Variants in WDR33 observed in about 807,000 individuals in gnomAD.
WDR33 encodes the protein pre-mRNA 3' end processing protein WDR33.
A neutral mutation model predicts 164.9 loss-of-function variants in WDR33; 47 were observed. That is an observed-to-expected ratio of 0.29 (90% CI 0.23 to 0.36). The LOEUF is 0.36. Among genes scored for constraint, WDR33 ranks in the 10% least tolerant of loss-of-function variants. The pLI is 1.00. For missense variants in WDR33, 1,137 were observed against 1,754.1 expected (o/e 0.65, Z 6.28); for synonymous variants, 505 against 589.0 (o/e 0.86, Z 2.06).
chr2:127,737,577 G>A (rs1016026909), intron 7 of WDR33: 108 of 989,614 alleles, frequency 1.1e-4, no homozygotes, highest in Non-Finnish European at 1.1e-4. Flanking sequence ...CTATTAGAAA[G>A]GCCAGTACCT....
chr2:127,775,144 T>C (rs1181379828), intron 1 of WDR33, among the ~76,000 whole-genome samples: 5 of 152,172 alleles, frequency 3.3e-5, no homozygotes, highest in African/African-American at 7.2e-5. Flanking sequence ...TTCTCTGTTA[T>C]GCGACTTTTA....
At chr2:127,711,780 A>ATATATTTTTTTTTT in intron 18 of WDR33, among the ~76,000 whole-genome samples, 3 of 88,300 alleles carry the variant, frequency 3.4e-5, no homozygotes, top group East Asian at 5.7e-4. Context: ...ATATATATAT[A>ATATATTTTTTTTTT]TTTTTTTTTT....
intron 7 of WDR33, among the ~76,000 whole-genome samples, chr2:127,751,302 G>A (rs887091450): frequency 3.3e-5 from 5 of 151,156 alleles, no homozygotes; most frequent in East Asian, 3.9e-4. Context: ...TGGAGGCTGC[G>A]GTAAGCCAAG....
chr2:127,784,899 A>C (rs1174294359), intron 1 of WDR33, among the ~76,000 whole-genome samples: 1 of 152,292 alleles, frequency 6.6e-6, no homozygotes, highest in East Asian at 1.9e-4. Context: ...TTCTCATCTT[A>C]AAATGTATTA....
chr2:127,791,551 T>C lies in WDR33; in HGVS notation c.-24+19461A>G, dbSNP rs373180441. Among the ~76,000 whole-genome samples, 7 of 152,166 alleles carry C rather than the reference T, an allele frequency of 4.6e-5. No homozygotes were observed. The East Asian group carries it at 1.2e-3, about 25-fold the overall frequency. ...GGTGTTTCTGCTATTAAAGGTACTA[T>C]TCCCATCATGAGGGCCCCAACCTCA... is the stretch of plus-strand genomic sequence containing the variant. On this transcript the variant is annotated intron_variant, in intron 1 of 21. Transcript: ENST00000322313.
intron 1 of WDR33, among the ~76,000 whole-genome samples, chr2:127,782,370 T>TG (rs1425580859): frequency 1.3e-5 from 2 of 152,132 alleles, no homozygotes; most frequent in Non-Finnish European, 2.9e-5. Context: ...ATTGCACCAC[T>TG]GCACTCCAGC....
chr2:127,702,398 C>G lies in WDR33; in HGVS notation c.*3925G>C. On this transcript the variant is annotated 3_prime_UTR_variant, in exon 22 of 22. Coordinates refer to ENST00000322313, the MANE Select transcript of WDR33 (RefSeq NM_018383.5). ...TTTTGTGCTGGACTTGGCACACGCT[C>G]TGAAAACTGAGATTTTGTCATTGAA... The G allele has an allele frequency of 3.1e-6, 1 of 324,644 alleles. No homozygotes were observed. Among genetic ancestry groups the G allele is most frequent in the Non-Finnish European group, 5.7e-6 (1 of 174,986 alleles). The allele number at this position is 324,644 out of a possible 1,614,324, so 20.1% of individuals were successfully genotyped here.
rs557962166 is a variant in WDR33, at chr2:127,804,285, T to C, written c.-24+6727A>G. Among the ~76,000 whole-genome samples the C allele has an allele frequency of 2.0e-4, 30 of 152,088 alleles. No homozygotes were observed. In the East Asian group the frequency reaches 2.1e-3, roughly 11 times the overall value. On this transcript the variant is annotated intron_variant, in intron 1 of 21. Transcript: ENST00000322313. ...GCAGTGAGCCAAGATCATCCCAGCC[T>C]GGGAGACAGAGCGAGACTCTGTCTC... is the stretch of plus-strand genomic sequence containing the variant.
Position 127,719,680 on chromosome 2 carries a change from C to T in WDR33, c.2345G>A (p.Arg782Lys), listed in dbSNP as rs1686383576. The change falls in exon 16 of 22, where the codon AGA becomes AAA. Residue 782 changes from arginine (R) to lysine (K), a missense_variant. Physicochemically the swap from Arg to Lys is conservative, Grantham distance 26 (BLOSUM62 2). Coordinates refer to ENST00000322313, the MANE Select transcript of WDR33 (RefSeq NM_018383.5). This position sits in a 1 kb window ranked among gnomAD's most constrained non-coding sequence, Gnocchi z 6.5. ...GGGGCCTGGAGGCCCCTGCATTCCT[C>T]TTGGATTCAATCCCATCAGAGGTCC... ...SQGPLMGLNP[R>K]GMQGPPGPRE... 6.2e-7 allele frequency: 1 copy of T among 1,613,572 alleles called. No individual in the cohort carries two copies. Among genetic ancestry groups the T allele is most frequent in the Non-Finnish European group, 8.5e-7 (1 of 1,179,918 alleles).
chr2:127,713,459 A>C lies in WDR33; in HGVS notation c.3308+124T>G. ...AAACGTCCAAATGCAAACTCTACAG[A>C]GTGCAGGGCTGGTAATTGATATAAT... On this transcript the variant is annotated intron_variant, in intron 18 of 21. Coordinates refer to ENST00000322313, the MANE Select transcript of WDR33 (RefSeq NM_018383.5). The surrounding 1 kb of genome is among the most constrained non-coding windows in gnomAD (Gnocchi z 6.2). 9.1e-7 allele frequency: 1 copy of C among 1,098,876 alleles called. No individual in the cohort carries two copies. The highest frequency in any genetic ancestry group is 1.3e-6 in the Non-Finnish European group (1 of 759,876). 68.1% of individuals were successfully genotyped at this position (1,098,876 alleles called of 1,614,324 possible). A position where few individuals can be genotyped will look rare whatever the true frequency, so the allele number is the denominator to read the frequency against.
In WDR33 at chr2:127,717,213, C is replaced by A. The variant is rs762379411; in HGVS notation, c.2811G>T (p.Gln937His). ...GAGGGGGAATGCGACCTTGTGCTCC[C>A]TGCTGCCCTAGGCCTGGTATCAGGG... ...PPPLIPGLGQ[Q>H]GAQGRIPPLN... The change falls in exon 17 of 22, where the codon CAG (glutamine) becomes CAT (histidine). Residue 937 changes from glutamine (Q) to histidine (H), a missense_variant. Transcript: ENST00000322313. This position sits in a 1 kb window ranked among gnomAD's most constrained non-coding sequence, Gnocchi z 5.6. 6.2e-7 allele frequency: 1 copy of A among 1,609,404 alleles called. No individual in the cohort carries two copies.
chr2:127,708,538 G>T lies in WDR33; in HGVS notation c.3781+139C>A. 1 of 927,366 alleles carries T rather than the reference G, an allele frequency of 1.1e-6. No homozygotes were observed. Among genetic ancestry groups the T allele is most frequent in the Non-Finnish European group, 1.6e-6 (1 of 625,390 alleles). The allele number at this position is 927,366 out of a possible 1,614,324, so 57.4% of individuals were successfully genotyped here. ...CTGAGTTGCAGTCCACCAGATGACA[G>T]CTCGTGTGGCACTGGCACCACATTT... is the stretch of plus-strand genomic sequence containing the variant. On this transcript the variant is annotated intron_variant, in intron 21 of 21. Transcript: ENST00000322313. This position sits in a 1 kb window ranked among gnomAD's most constrained non-coding sequence, Gnocchi z 6.7.
chr2:127,719,457 T>C lies in WDR33; in HGVS notation c.2568A>G (p.Pro856=), dbSNP rs200665934. 3.9e-5 allele frequency: 62 copies of C among 1,586,470 alleles called. No homozygotes were observed. The highest frequency in any genetic ancestry group is 1.7e-4 in the Middle Eastern group (1 of 5,930). ...GCGGCCCCTGCTGACTTTGTGAGCC[T>C]GGAGGCCCTCGCAATTCCTGGGGAG... The part of the protein sequence containing the change: ...LGPPQELRGP[P]GSQSQQGPPQ... The change falls in exon 16 of 22, where the codon CCA becomes CCG. Residue 856 remains proline (P), a synonymous_variant. Coordinates refer to ENST00000322313, the MANE Select transcript of WDR33 (RefSeq NM_018383.5). This position sits in a 1 kb window ranked among gnomAD's most constrained non-coding sequence, Gnocchi z 6.5.
Position 127,709,625 on chromosome 2 carries a change from G to A in WDR33, c.3473-43C>T, listed in dbSNP as rs772859814. ...CAATGCTGCACTCAGACTGTTCCTG[G>A]TGTATTCACAACCAGTGTATTCTGC... On this transcript the variant is annotated intron_variant, in intron 19 of 21. Coordinates refer to ENST00000322313, the MANE Select transcript of WDR33 (RefSeq NM_018383.5). The surrounding 1 kb of genome is among the most constrained non-coding windows in gnomAD (Gnocchi z 5.0). 2.5e-6 allele frequency: 4 copies of A among 1,612,522 alleles called. No homozygotes were observed. In the African/African-American group the frequency reaches 4.0e-5, roughly 16 times the overall value.
In WDR33 at chr2:127,735,789, A is replaced by G. The variant is rs1686823315; in HGVS notation, c.725-9012T>C. On this transcript the variant is annotated intron_variant, in intron 7 of 21. Coordinates refer to ENST00000322313, the MANE Select transcript of WDR33 (RefSeq NM_018383.5). This position sits in a 1 kb window ranked among gnomAD's most constrained non-coding sequence, Gnocchi z 4.3. Reference sequence around the variant, plus strand: ...GTAATCTGTGCTCTGGTCAAGGAATATGCAATTTATTAGTATTTTACCTTC... The same window carrying G: ...GTAATCTGTGCTCTGGTCAAGGAATGTGCAATTTATTAGTATTTTACCTTC... 5.1e-6 allele frequency: 5 copies of G among 985,462 alleles called. No individual in the cohort carries two copies. The highest frequency in any genetic ancestry group is 6.0e-6 in the Non-Finnish European group (5 of 829,914). The allele number at this position is 985,462 out of a possible 1,614,324, so 61.0% of individuals were successfully genotyped here.
rs1472846981 is a variant in WDR33 at position 127,709,269 on chromosome 2, CG to C, written c.3565+220del. Among the ~76,000 whole-genome samples, 1 of 152,176 alleles carries C rather than the reference CG, an allele frequency of 6.6e-6. No individual in the cohort carries two copies. Among genetic ancestry groups the C allele is most frequent in the Non-Finnish European group, 1.5e-5 (1 of 68,034 alleles). On this transcript the variant is annotated intron_variant, in intron 20 of 21. Transcript: ENST00000322313. This position sits in a 1 kb window ranked among gnomAD's most constrained non-coding sequence, Gnocchi z 5.0. The stretch of plus-strand genomic sequence containing the variant: ...AGCAATTTAGTGGAAAGAGCAGTCC[CG>C]TTTTATACTCAGATAGATCCCTGTA...
intron 1 of WDR33, among the ~76,000 whole-genome samples, chr2:127,805,237 C>G (rs546562836): frequency 6.6e-6 from 1 of 151,648 alleles, no homozygotes; most frequent in South Asian, 2.1e-4. Context: ...GCCACCAAAC[C>G]CAGCATTTTT....
At chr2:127,805,126 G>A (rs1689390604) in intron 1 of WDR33, among the ~76,000 whole-genome samples, 1 of 127,710 alleles carries the variant, frequency 7.8e-6, no homozygotes, top group East Asian at 2.3e-4. Flanking sequence ...CGCCTAGGCT[G>A]GAGTACAGCA....
chr2:127,785,169 T>C (rs1381900395), intron 1 of WDR33, among the ~76,000 whole-genome samples: 4 of 152,194 alleles, frequency 2.6e-5, no homozygotes, highest in African/African-American at 9.7e-5. Context: ...GTCTTTGTTA[T>C]TTAGAGTAGT....
Sources: gnomAD v4.1 joint callset for allele counts (sites outside exome capture counted in the v4.1 genomes callset) on GRCh38, gnomAD v4.1.1 for gene constraint, Gnocchi (gnomAD v3.1) non-coding constraint, MANE v1.5 for transcripts, NCBI Gene and HGNC (gene_info 2026-07-23, HGNC 2026-07-21) for gene names.